Variants in ZDHHC15 observed in about 807,000 individuals in gnomAD.
ZDHHC15 encodes the protein palmitoyltransferase ZDHHC15.
In ZDHHC15, 19 loss-of-function variants were observed where a neutral mutation model predicts 31.7. That is an observed-to-expected ratio of 0.60 (90% CI 0.42 to 0.88). The LOEUF (loss-of-function observed/expected upper bound fraction) is 0.88. Among genes scored for constraint, ZDHHC15 ranks in the 40% least tolerant of loss-of-function variants. The pLI, the probability that ZDHHC15 is intolerant of heterozygous loss-of-function variation, is 0.00. For missense variants in ZDHHC15, 209 were observed against 251.2 expected, an observed-to-expected ratio of 0.83 and a Z score of 1.14; for synonymous variants, 103 against 90.0, an observed-to-expected ratio of 1.14 and a Z score of -0.82.
chrX:75,413,694 A>G (rs1187336650), intron 10 of ZDHHC15, among the ~76,000 whole-genome samples: 3 of 110,828 alleles, frequency 2.7e-5, no homozygotes, highest in Non-Finnish European at 3.8e-5. Flanking sequence ...AACAACAACA[A>G]AAACAAAACA....
intron 1 of ZDHHC15, 60 bp downstream of exon 1, chrX:75,522,829 T>C: frequency 8.4e-7 from 1 of 1,192,896 alleles, no homozygotes; most frequent in Non-Finnish European, 1.1e-6. Context: ...AGTGTGAAGG[T>C]AGGGCAAACG....
At chrX:75,403,358 T>C (rs1442952278) in intron 10 of ZDHHC15, among the ~76,000 whole-genome samples, 1 of 111,745 alleles carries the variant, frequency 8.9e-6, no homozygotes, top group Non-Finnish European at 1.9e-5. Flanking sequence ...CTATTCAACG[T>C]AGTATGGGAA....
chrX:75,451,073 C>G (rs1055443136), intron 3 of ZDHHC15, 151 bp from the exon 4 acceptor site: 2 of 634,549 alleles, frequency 3.2e-6, no homozygotes, highest in Admixed American at 4.6e-5. Flanking sequence ...TGGATAATTA[C>G]TTCAATAATC....
rs933766637 is a variant in ZDHHC15 at position 75,456,315 on chromosome X, G to C, written c.259-5393C>G. On this transcript the variant is annotated intron_variant, in intron 3 of 11. Coordinates refer to ENST00000373367, the MANE Select transcript of ZDHHC15 (RefSeq NM_144969.3). Reference sequence around the variant, plus strand: ...GAGAATTGAACAATGAGAACACTTGGACACAGGGCGGGGTACATCATATAC... The same window carrying C: ...GAGAATTGAACAATGAGAACACTTGCACACAGGGCGGGGTACATCATATAC... Among the ~76,000 whole-genome samples, 3 of 103,538 alleles carry C rather than the reference G, an allele frequency of 2.9e-5. No homozygotes were observed. The Admixed American group carries it at 3.2e-4, about 11-fold the overall frequency. 89.9% of individuals were successfully genotyped at this position (103,538 alleles called of 115,157 possible).
At chrX:75,402,106 A>G (rs1241027915) in intron 10 of ZDHHC15, among the ~76,000 whole-genome samples, 1 of 112,631 alleles carries the variant, frequency 8.9e-6, no homozygotes, top group African/African-American at 3.2e-5. Context: ...CTATACAATT[A>G]CATAGAAATT....
At chrX:75,377,628 G>A in intron 11 of ZDHHC15, among the ~76,000 whole-genome samples, 1 of 110,398 alleles carries the variant, frequency 9.1e-6, no homozygotes, top group Non-Finnish European at 1.9e-5. Flanking sequence ...GCTTATCTAG[G>A]GAAGTATATA....
At chrX:75,414,690 G>A (rs1056863642) in intron 10 of ZDHHC15, among the ~76,000 whole-genome samples, 5 of 102,305 alleles carry the variant, frequency 4.9e-5, no homozygotes, top group African/African-American at 1.4e-4. Flanking sequence ...TGCCTGCCTC[G>A]GCCTCCCAAA....
chrX:75,387,589 A>C (rs1452877914), intron 10 of ZDHHC15, among the ~76,000 whole-genome samples: 1 of 112,030 alleles, frequency 8.9e-6, no homozygotes, highest in Non-Finnish European at 1.9e-5. Context: ...CAGTGAGCTC[A>C]AAGAAAACCT....
chrX:75,469,945 G>A (rs781596557), intron 3 of ZDHHC15, among the ~76,000 whole-genome samples: 1 of 111,395 alleles, frequency 9.0e-6, no homozygotes, highest in African/African-American at 3.3e-5. Flanking sequence ...AAGGGTGTGA[G>A]GTGGTATCTC....
intron 4 of ZDHHC15, among the ~76,000 whole-genome samples, chrX:75,442,455 T>A (rs983374441): frequency 3.6e-5 from 4 of 111,772 alleles, no homozygotes; most frequent in Admixed American, 1.9e-4. Flanking sequence ...CTCAGCAAAG[T>A]CTCAGGATAC....
intron 2 of ZDHHC15, among the ~76,000 whole-genome samples, chrX:75,490,655 C>T (rs1251715646): frequency 1.8e-5 from 2 of 111,388 alleles, no homozygotes; most frequent in African/African-American, 6.5e-5. Flanking sequence ...TTTGTATCCT[C>T]TTTTATTTCA....
chrX:75,378,916 G>A, intron 11 of ZDHHC15, among the ~76,000 whole-genome samples: 1 of 111,654 alleles, frequency 9.0e-6, no homozygotes, highest in Middle Eastern at 4.7e-3. Context: ...GTGTGAGTTT[G>A]CAGGGAATAA....
chrX:75,514,573 C>T (rs980846658), intron 1 of ZDHHC15, among the ~76,000 whole-genome samples: 18 of 111,621 alleles, frequency 1.6e-4, no homozygotes, highest in African/African-American at 5.5e-4. Context: ...GAGTGTGAGC[C>T]GAAGCGGGGC....
chrX:75,497,911 T>C (rs2148031299), intron 2 of ZDHHC15, among the ~76,000 whole-genome samples: 1 of 99,494 alleles, frequency 1.0e-5, no homozygotes, highest in Non-Finnish European at 2.0e-5. Context: ...TCCTGAGAAC[T>C]GGAAAAAGAC....
intron 3 of ZDHHC15, among the ~76,000 whole-genome samples, chrX:75,465,779 C>A (rs1412153978): frequency 9.0e-6 from 1 of 111,514 alleles, no homozygotes; most frequent in Non-Finnish European, 1.9e-5. Context: ...CTTCCTTACA[C>A]CTTATATAAA....
At chrX:75,458,468 C>T (rs1250943198) in intron 3 of ZDHHC15, among the ~76,000 whole-genome samples, 1 of 111,580 alleles carries the variant, frequency 9.0e-6, no homozygotes, top group Admixed American at 9.6e-5. Context: ...GTATGTTATA[C>T]TTCAATAAAA....
chrX:75,417,192 T>C lies in ZDHHC15; in HGVS notation c.864-2A>G. On this transcript the variant is annotated splice_acceptor_variant, in intron 9 of 11. Transcript: ENST00000373367. LOFTEE classifies it high-confidence loss of function. Reference sequence around the variant, plus strand: ...GGGAAGGAGTGTCCATCACCAGGGCTGATGGGAAAAGAAAGGCAGTGACCT... The same window carrying C: ...GGGAAGGAGTGTCCATCACCAGGGCCGATGGGAAAAGAAAGGCAGTGACCT... The C allele has an allele frequency of 8.5e-7, 1 of 1,182,115 alleles. No homozygotes were observed. The highest frequency in any genetic ancestry group is 1.1e-6 in the Non-Finnish European group (1 of 871,781).
At chrX:75,456,348 T>C (rs1034357508) in intron 3 of ZDHHC15, among the ~76,000 whole-genome samples, 3 of 95,097 alleles carry the variant, frequency 3.2e-5, no homozygotes, top group Non-Finnish European at 6.2e-5. Flanking sequence ...TACCAGGGCC[T>C]GTCATGGGGT....
At chrX:75,415,171 T>C (rs948376959) in intron 10 of ZDHHC15, among the ~76,000 whole-genome samples, 1 of 111,960 alleles carries the variant, frequency 8.9e-6, no homozygotes, top group African/African-American at 3.2e-5. Flanking sequence ...TACACACATG[T>C]AATTTCAACT....
Sources: gnomAD v4.1 joint callset for allele counts (sites outside exome capture counted in the v4.1 genomes callset) on GRCh38, gnomAD v4.1.1 for gene constraint, MANE v1.5 for transcripts, NCBI Gene and HGNC (gene_info 2026-07-23, HGNC 2026-07-21) for gene names.